The following DNM1L variants were observed in gnomAD, a reference collection of about 807,000 sequenced individuals.
DNM1L encodes the protein dynamin 1L.
A neutral mutation model predicts 92.8 loss-of-function variants in DNM1L; 33 were observed. The ratio of observed to expected loss-of-function variants is 0.36; its 90% CI spans 0.27 to 0.48. The LOEUF (loss-of-function observed/expected upper bound fraction) is 0.48. Among genes scored for constraint, DNM1L ranks in the 20% least tolerant of loss-of-function variants. The probability of loss-of-function intolerance (pLI) is 0.99; values close to 1 mark genes in which losing one functional copy is unlikely to be tolerated. For synonymous variants in DNM1L, 284 were observed against 305.0 expected (o/e 0.93, Z 0.72); for missense variants, 485 against 888.8 (o/e 0.55, Z 5.78).
chr12:32,704,108 A>G (rs1207785617), intron 2 of DNM1L, among the ~76,000 whole-genome samples: 1 of 152,158 alleles, frequency 6.6e-6, no homozygotes, highest in Non-Finnish European at 1.5e-5. Context: ...ATCCAAAAGT[A>G]GCATGCTGAT....
chr12:32,715,418 G>C (rs1261766427), intron 6 of DNM1L, among the ~76,000 whole-genome samples: 5 of 152,016 alleles, frequency 3.3e-5, no homozygotes, highest in Non-Finnish European at 4.4e-5. Context: ...GGATGATTTT[G>C]TAGATTTGTA....
chr12:32,704,622 T>G (rs1010220772), intron 2 of DNM1L, among the ~76,000 whole-genome samples: 2 of 152,084 alleles, frequency 1.3e-5, no homozygotes, highest in African/African-American at 4.8e-5. Flanking sequence ...ATTTGAAATT[T>G]TACCCCCATT....
In DNM1L at chr12:32,740,083, G is replaced by T; in HGVS notation, c.1727G>T (p.Gly576Val). The T allele has an allele frequency of 6.2e-7, 1 of 1,614,124 alleles. No homozygotes were observed. Among genetic ancestry groups the T allele is most frequent in the South Asian group, 1.1e-5 (1 of 91,076 alleles). Residue 576 changes from glycine (G) to valine (V), a missense_variant, in exon 17 of 20, where the codon GGG (glycine) becomes GTG (valine). By Grantham distance (109) the Gly-to-Val change is moderately radical (BLOSUM62 -3). Coordinates refer to ENST00000549701, the MANE Select transcript of DNM1L (RefSeq NM_012062.5). ...TTTCAGGTTGCATCTGGAGGTGGTGGGGTTGGAGATGGTGTTCAAGAACCA... is the reference window on the plus strand; with the variant it reads ...TTTCAGGTTGCATCTGGAGGTGGTGTGGTTGGAGATGGTGTTCAAGAACCA... ...ETKNVASGGG[G>V]VGDGVQEPTT...
At chr12:32,690,255 A>C (rs577276102) in intron 1 of DNM1L, among the ~76,000 whole-genome samples, 1 of 152,360 alleles carries the variant, frequency 6.6e-6, no homozygotes, top group South Asian at 2.1e-4. Flanking sequence ...GTGTTGACAC[A>C]TACAGTATTA....
At chr12:32,724,670 T>A (rs1309547171) in intron 9 of DNM1L, among the ~76,000 whole-genome samples, 26 of 135,780 alleles carry the variant, frequency 1.9e-4, no homozygotes, top group Non-Finnish European at 2.7e-4. Flanking sequence ...ATATAAAAAA[T>A]AATAATATAT....
chr12:32,683,072 C>T (rs1345527948), intron 1 of DNM1L, among the ~76,000 whole-genome samples: 1 of 152,112 alleles, frequency 6.6e-6, no homozygotes, highest in African/African-American at 2.4e-5. Flanking sequence ...ATCTAAACTA[C>T]CACCCAATAT....
chr12:32,691,545 A>T (rs963546947), intron 1 of DNM1L, among the ~76,000 whole-genome samples: 1 of 152,056 alleles, frequency 6.6e-6, no homozygotes, highest in African/African-American at 2.4e-5. Flanking sequence ...GCCCGGCTGG[A>T]CTTGTTTTAA....
Position 32,737,279 on chromosome 12 carries a change from G to A in DNM1L, c.1596+118G>A. The A allele has an allele frequency of 8.0e-6, 8 of 996,498 alleles. No individual in the cohort carries two copies. The South Asian group carries it at 9.8e-5, about 12-fold the overall frequency. 61.7% of individuals were successfully genotyped at this position (996,498 alleles called of 1,614,324 possible). A position where few individuals can be genotyped will look rare whatever the true frequency, so the allele number is the denominator to read the frequency against. On this transcript the variant is annotated intron_variant, in intron 14 of 19. Transcript: ENST00000549701. ...TTTTCCTCCCTTTAACACTCCATTG[G>A]AACTAACTGAGTAAAGGCATACAAG...
intron 2 of DNM1L, among the ~76,000 whole-genome samples, chr12:32,702,777 T>C (rs904674040): frequency 3.3e-5 from 5 of 152,150 alleles, no homozygotes; most frequent in African/African-American, 1.2e-4. Flanking sequence ...GTTGTAGATG[T>C]TGCAAGTAAT....
chr12:32,727,615 C>A (rs1395892231), intron 9 of DNM1L: 1 of 432,330 alleles, frequency 2.3e-6, no homozygotes, highest in South Asian at 3.3e-5. Flanking sequence ...GCATCTACAA[C>A]ACATAGATGC....
At position 32,733,741 on chromosome 12, in the gene DNM1L, G is replaced by A. The variant is rs1336353365; in HGVS notation, c.1473G>A (p.Leu491=). 1 of 1,613,886 alleles carries A rather than the reference G, an allele frequency of 6.2e-7. No individual in the cohort carries two copies. Among genetic ancestry groups the A allele is most frequent in the South Asian group, 1.1e-5 (1 of 91,078 alleles). Residue 491 remains leucine (L), a synonymous_variant, in exon 13 of 20, where the codon CTG becomes CTA. Coordinates refer to ENST00000549701, the MANE Select transcript of DNM1L (RefSeq NM_012062.5). The stretch of plus-strand genomic sequence containing the variant: ...TCCATAACTTAGTGGCAATTGAACT[G>A]GCTTATATCAACACAAAACATCCAG... ...EMVHNLVAIE[L]AYINTKHPDF...
intron 13 of DNM1L, 97 bp downstream of exon 13, chr12:32,733,904 CAT>C (rs1954715958): frequency 5.8e-6 from 6 of 1,041,224 alleles, no homozygotes; most frequent in African/African-American, 1.6e-5. Flanking sequence ...ATAAAATAGA[CAT>C]GTGCCACATT....
chr12:32,690,742 A>G (rs1195954328), intron 1 of DNM1L, among the ~76,000 whole-genome samples: 1 of 152,228 alleles, frequency 6.6e-6, no homozygotes, highest in Admixed American at 6.5e-5. Flanking sequence ...GGTAGTAGCA[A>G]TGTAGTATGT....
At chr12:32,743,062 A>C (rs994300971) in intron 19 of DNM1L, among the ~76,000 whole-genome samples, 1 of 150,970 alleles carries the variant, frequency 6.6e-6, no homozygotes, top group Non-Finnish European at 1.5e-5. Context: ...CACCCAGCTA[A>C]TTTTTTGTAT....
intron 9 of DNM1L, chr12:32,726,944 A>G (rs571888650): frequency 1.4e-6 from 1 of 720,416 alleles, no homozygotes; most frequent in Non-Finnish European, 2.5e-6. Context: ...GCAGGCCAGC[A>G]TCTGAGAACT....
chr12:32,681,924 T>G (rs1214397391), intron 1 of DNM1L, among the ~76,000 whole-genome samples: 2 of 151,786 alleles, frequency 1.3e-5, no homozygotes, highest in Non-Finnish European at 2.9e-5. Flanking sequence ...AGTCCAGGAG[T>G]TTGAGGCTGC....
intron 15 of DNM1L, 83 bp downstream of exon 15, chr12:32,738,025 A>C (rs1955021502): frequency 1.4e-6 from 2 of 1,442,036 alleles, no homozygotes; most frequent in African/African-American, 2.8e-5. Flanking sequence ...ACTGAATAGA[A>C]GAATATTAAT....
At chr12:32,696,383 A>AACACACACACACACACACAC (rs58224525) in intron 1 of DNM1L, among the ~76,000 whole-genome samples, 2 of 145,118 alleles carry the variant, frequency 1.4e-5, no homozygotes, top group South Asian at 2.2e-4. Flanking sequence ...CACACACACA[A>AACACACACACACACACACAC]ACACACACAC....
At chr12:32,739,016 T>TC (rs1457097159) in intron 16 of DNM1L, among the ~76,000 whole-genome samples, 1 of 152,210 alleles carries the variant, frequency 6.6e-6, no homozygotes, top group Non-Finnish European at 1.5e-5. Flanking sequence ...GTGCTCTCTC[T>TC]CCTTAAGATT....
Sources: gnomAD v4.1 joint callset for allele counts (sites outside exome capture counted in the v4.1 genomes callset) on GRCh38, gnomAD v4.1.1 for gene constraint, MANE v1.5 for transcripts, NCBI Gene and HGNC (gene_info 2026-07-23, HGNC 2026-07-21) for gene names.